The following FAM177A1 variants were observed in gnomAD, a reference collection of about 807,000 sequenced individuals.
FAM177A1 encodes the protein protein FAM177A1.
A neutral mutation model predicts 26.1 loss-of-function variants in FAM177A1; 22 were observed. That is an observed-to-expected ratio of 0.84 (90% confidence interval 0.60 to 1.20). The LOEUF (loss-of-function observed/expected upper bound fraction) is 1.20. FAM177A1 is among the 50% of genes most tolerant of loss of function. The pLI is 0.00. For missense variants in FAM177A1, 296 were observed against 291.1 expected (o/e 1.02, Z -0.12); for synonymous variants, 95 against 99.3 (o/e 0.96, Z 0.26).
chr14:35,079,577 G>A (rs968346927), intron 4 of FAM177A1, among the ~76,000 whole-genome samples: 6 of 152,104 alleles, frequency 3.9e-5, no homozygotes, highest in African/African-American at 1.2e-4. Context: ...TTCAAAATCC[G>A]TTCTACCACT....
chr14:35,073,849 A>G (rs2045357663), intron 2 of FAM177A1, among the ~76,000 whole-genome samples: 1 of 152,128 alleles, frequency 6.6e-6, no homozygotes, highest in Non-Finnish European at 1.5e-5. Context: ...TTACTAATAA[A>G]TGTCTTTTGT....
At chr14:35,055,439 CTGTT>C (rs1489880471) in intron 2 of FAM177A1, among the ~76,000 whole-genome samples, 6 of 149,734 alleles carry the variant, frequency 4.0e-5, no homozygotes, top group African/African-American at 9.8e-5. Flanking sequence ...CATGCAATAA[CTGTT>C]TTTTTTTTTT....
intron 2 of FAM177A1, among the ~76,000 whole-genome samples, chr14:35,057,234 CTTG>C (rs935895099): frequency 7.2e-5 from 11 of 152,134 alleles, no homozygotes; most frequent in Admixed American, 5.2e-4. Flanking sequence ...TGTTGTTGTT[CTTG>C]TTGTTTACAA....
rs1237793074 is a variant in FAM177A1, at chr14:35,081,896, TATAGA to T, written c.*674_*678del. ...TTGAACATAATATTAAAACACTACT[TATAGA>T]ATAGATTTATTAATGTTAATACCTA... On this transcript the variant is annotated 3_prime_UTR_variant, in exon 5 of 5. Coordinates refer to ENST00000280987, the MANE Select transcript of FAM177A1 (RefSeq NM_173607.5). 9 of 152,210 alleles carry T rather than the reference TATAGA, an allele frequency of 5.9e-5. No homozygotes were observed. Among genetic ancestry groups the T allele is most frequent in the South Asian group, 2.1e-4 (1 of 4,830 alleles). The allele number at this position is 152,210 out of a possible 1,614,324, so 9.4% of individuals were successfully genotyped here.
At chr14:35,064,944 C>T (rs1340170002) in intron 2 of FAM177A1, among the ~76,000 whole-genome samples, 2 of 152,140 alleles carry the variant, frequency 1.3e-5, no homozygotes, top group African/African-American at 4.8e-5. Context: ...TCCCAGATTA[C>T]AGGCGTGAGC....
intron 2 of FAM177A1, among the ~76,000 whole-genome samples, chr14:35,063,553 G>A (rs1444464262): frequency 6.6e-6 from 1 of 151,840 alleles, no homozygotes; most frequent in Admixed American, 6.6e-5. Context: ...ACTCCAGCCT[G>A]GGCAACAAGA....
At chr14:35,052,403 A>G (rs2044987349) in intron 1 of FAM177A1, among the ~76,000 whole-genome samples, 1 of 151,886 alleles carries the variant, frequency 6.6e-6, no homozygotes, top group Admixed American at 6.6e-5. Context: ...TTATATTTTT[A>G]GTAGAGACAG....
At chr14:35,073,315 C>T (rs1332111015) in intron 2 of FAM177A1, among the ~76,000 whole-genome samples, 1 of 152,178 alleles carries the variant, frequency 6.6e-6, no homozygotes, top group African/African-American at 2.4e-5. Context: ...GGTAATCTGC[C>T]CGCCTCAGCC....
intron 2 of FAM177A1, among the ~76,000 whole-genome samples, chr14:35,071,249 G>A (rs1204374653): frequency 2.0e-5 from 3 of 151,672 alleles, no homozygotes; most frequent in Admixed American, 6.6e-5. Context: ...CACCCTCCTC[G>A]GCCTCCCAAA....
chr14:35,075,864 C>T (rs1181798191), intron 2 of FAM177A1, among the ~76,000 whole-genome samples: 2 of 152,176 alleles, frequency 1.3e-5, no homozygotes, highest in East Asian at 3.8e-4. Flanking sequence ...TCATCACTGG[C>T]CATCAGAGAA....
rs750047021 is a variant in FAM177A1, at chr14:35,081,167, TGGAG to T, written c.655_658del (p.Gly219ThrfsTer4). On this transcript the variant is annotated frameshift_variant, in exon 5 of 5. Transcript: ENST00000280987. LOFTEE classifies it high-confidence loss of function. ...TCATTTGTGAATGTCAATTTTGAAA[TGGAG>T]GGAGACAGTGAAGTAATTATGGAAA... 4 of 1,613,570 alleles carry T rather than the reference TGGAG, an allele frequency of 2.5e-6. No homozygotes were observed. The African/African-American group carries it at 5.3e-5, about 22-fold the overall frequency.
At chr14:35,072,234 C>T (rs2045332511) in intron 2 of FAM177A1, among the ~76,000 whole-genome samples, 1 of 151,956 alleles carries the variant, frequency 6.6e-6, no homozygotes, top group Non-Finnish European at 1.5e-5. Flanking sequence ...GAGATCGCAA[C>T]ATTGCACTCC....
intron 1 of FAM177A1, chr14:35,047,110 C>G: frequency 1.5e-6 from 1 of 650,736 alleles, no homozygotes; most frequent in Non-Finnish European, 1.9e-6. Context: ...ATTTCACCGC[C>G]GAGGCAACTA....
At position 35,047,754 on chromosome 14, in the gene FAM177A1, GCAACAACAACAA is replaced by G. The variant is rs141401661; in HGVS notation, c.165+1145_165+1156del. On this transcript the variant is annotated intron_variant, in intron 1 of 4. Coordinates refer to ENST00000280987, the MANE Select transcript of FAM177A1 (RefSeq NM_173607.5). ...CAGAGCGAGACTCCGTCTCAAAACA[GCAACAACAACAA>G]CAACAACAACAACAACAAAAAAAAA... 6.7e-3 allele frequency among the ~76,000 whole-genome samples: 902 copies of G among 134,218 alleles called. 13 individuals are homozygous for G. Among genetic ancestry groups the G allele is most frequent in the African/African-American group, 0.023 (870 of 38,024 alleles). The allele number at this position is 134,218 out of a possible 152,430, so 88.1% of individuals were successfully genotyped here. A position where few individuals can be genotyped will look rare whatever the true frequency, so the allele number is the denominator to read the frequency against.
chr14:35,078,786 AG>A (rs2045434662), intron 3 of FAM177A1, 140 bp from the exon 4 acceptor site: 1 of 543,150 alleles, frequency 1.8e-6, no homozygotes, highest in East Asian at 3.5e-5. Flanking sequence ...GAAGATATAC[AG>A]AAGATAGATC....
At position 35,046,347 on chromosome 14, in the gene FAM177A1, G is replaced by T. The variant is rs1361198857; in HGVS notation, c.-117G>T. On this transcript the variant is annotated 5_prime_UTR_variant, in exon 1 of 5. Transcript: ENST00000280987. ...GGCGCGGGCTGGCCCCGCCCCTCAG[G>T]CCGGCGAGTCCCCTTCTCAGAGACT... 1.6e-6 allele frequency: 2 copies of T among 1,245,702 alleles called. No individual in the cohort carries two copies. The highest frequency in any genetic ancestry group is 3.2e-5 in the African/African-American group (2 of 62,704). The allele number at this position is 1,245,702 out of a possible 1,614,324, so 77.2% of individuals were successfully genotyped here. A position where few individuals can be genotyped will look rare whatever the true frequency, so the allele number is the denominator to read the frequency against.
chr14:35,046,689 G>C, intron 1 of FAM177A1, 61 bp downstream of exon 1: 1 of 1,485,440 alleles, frequency 6.7e-7, no homozygotes, highest in Non-Finnish European at 9.0e-7. Context: ...CCTTCTCCGC[G>C]GGCCGCTCTT....
chr14:35,047,330 TTTC>T (rs2044883721), intron 1 of FAM177A1, among the ~76,000 whole-genome samples: 1 of 152,214 alleles, frequency 6.6e-6, no homozygotes, highest in South Asian at 2.1e-4. Flanking sequence ...TTTGGAGTCT[TTTC>T]TAAGTCTTTT....
At chr14:35,046,803 C>A in intron 1 of FAM177A1, 175 bp downstream of exon 1, 2 of 1,376,950 alleles carry the variant, frequency 1.5e-6, no homozygotes, top group Non-Finnish European at 1.9e-6. Context: ...GGAAGGAGCG[C>A]CCCCCGCCTC....
Sources: gnomAD v4.1 joint callset for allele counts (sites outside exome capture counted in the v4.1 genomes callset) on GRCh38, gnomAD v4.1.1 for gene constraint, MANE v1.5 for transcripts, NCBI Gene and HGNC (gene_info 2026-07-23, HGNC 2026-07-21) for gene names.